The following TRPS1 variants were observed in gnomAD, a reference collection of about 807,000 sequenced individuals.
TRPS1 encodes transcriptional repressor GATA binding 1.
A neutral mutation model predicts 101.2 loss-of-function variants in TRPS1; 6 were observed. That is an observed-to-expected ratio of 0.06 (90% CI 0.03 to 0.12). TRPS1 has a LOEUF of 0.12. TRPS1 is among the 10% of genes least tolerant of loss of function. TRPS1 has a pLI of 1.00. For synonymous variants in TRPS1, 578 were observed against 589.8 expected (o/e 0.98, Z 0.29); for missense variants, 1,363 against 1,567.0 (o/e 0.87, Z 2.20).
At chr8:115,507,741 G>C (rs1815482477) in intron 5 of TRPS1, among the ~76,000 whole-genome samples, 1 of 151,928 alleles carries the variant, frequency 6.6e-6, no homozygotes, top group Admixed American at 6.6e-5. Context: ...TTTTCTTTTG[G>C]GACCTCAACC....
intron 1 of TRPS1, among the ~76,000 whole-genome samples, chr8:115,645,640 GAGGAAATCCCTGGGTATCAAAA>G (rs1283510186): frequency 6.6e-6 from 1 of 152,106 alleles, no homozygotes; most frequent in Non-Finnish European, 1.5e-5. Context: ...GTTACTACAA[GAGGAAATCCCTGGGTATCAAAA>G]AGTCATATTT....
intron 1 of TRPS1, among the ~76,000 whole-genome samples, chr8:115,659,007 G>A (rs1218390335): frequency 1.3e-5 from 2 of 152,108 alleles, no homozygotes; most frequent in African/African-American, 4.8e-5. Flanking sequence ...TCCTTCAAAA[G>A]CACAAGTTTT....
intron 3 of TRPS1, among the ~76,000 whole-genome samples, chr8:115,612,759 C>CG (rs1818198895): frequency 6.6e-6 from 1 of 152,130 alleles, no homozygotes; most frequent in Non-Finnish European, 1.5e-5. Context: ...CTGTGAATTC[C>CG]CAAACTCCTC....
intron 3 of TRPS1, 104 bp downstream of exon 3, chr8:115,619,028 G>A: frequency 2.4e-6 from 3 of 1,231,572 alleles, no homozygotes; most frequent in Non-Finnish European, 3.5e-6. Context: ...GATCTAGCAG[G>A]CTACCTGTCT....
rs561162451 is a variant in TRPS1, at chr8:115,412,237, T to C, written c.*1786A>G. On this transcript the variant is annotated 3_prime_UTR_variant, in exon 7 of 7. Coordinates refer to ENST00000395715, the MANE Select transcript of TRPS1 (RefSeq NM_014112.5). ...CTACCCTTTTTTTCCTAAGTAGGCA[T>C]AAAAATATTTTCATTTCCTTCTTGT... is the stretch of plus-strand genomic sequence containing the variant. 6.6e-6 allele frequency: 1 copy of C among 152,392 alleles called. No individual in the cohort carries two copies. The highest frequency in any genetic ancestry group is 2.1e-4 in the South Asian group (1 of 4,822). The allele number at this position is 152,392 out of a possible 1,614,324, so 9.4% of individuals were successfully genotyped here.
intron 1 of TRPS1, among the ~76,000 whole-genome samples, chr8:115,631,821 G>A (rs956746266): frequency 1.1e-4 from 17 of 151,930 alleles, no homozygotes; most frequent in Non-Finnish European, 1.8e-4. Context: ...ACCAAATCAC[G>A]ACATCCAAGG....
intron 5 of TRPS1, among the ~76,000 whole-genome samples, chr8:115,421,666 G>T (rs1463952212): frequency 6.6e-6 from 1 of 152,130 alleles, no homozygotes; most frequent in Non-Finnish European, 1.5e-5. Context: ...TAGTACTTTG[G>T]TAAGCCTAGT....
chr8:115,598,525 G>C (rs1223349022), intron 4 of TRPS1, among the ~76,000 whole-genome samples: 1 of 152,040 alleles, frequency 6.6e-6, no homozygotes, highest in African/African-American at 2.4e-5. Context: ...TGCTGCCCAG[G>C]CTGATCTCAA....
intron 5 of TRPS1, among the ~76,000 whole-genome samples, chr8:115,462,353 G>C (rs1327303290): frequency 6.6e-6 from 1 of 152,168 alleles, no homozygotes; most frequent in Non-Finnish European, 1.5e-5. Flanking sequence ...GCGAAGGGCA[G>C]TCTAATGCAG....
rs1476143698 is a variant in TRPS1, at chr8:115,418,520, C to A, written c.2701-68G>T. ...GATCAGTGGAGTTAGACCAAATCAA[C>A]CCAGGAGTTTTGTCTTTAAACTAGC... On this transcript the variant is annotated intron_variant, in intron 5 of 6. Coordinates refer to ENST00000395715, the MANE Select transcript of TRPS1 (RefSeq NM_014112.5). This position sits in a 1 kb window ranked among gnomAD's most constrained non-coding sequence, Gnocchi z 4.3. 2 of 1,610,164 alleles carry A rather than the reference C, an allele frequency of 1.2e-6. No homozygotes were observed. Among genetic ancestry groups the A allele is most frequent in the South Asian group, 2.2e-5 (2 of 90,828 alleles).
At chr8:115,468,599 C>T (rs1814384531) in intron 5 of TRPS1, among the ~76,000 whole-genome samples, 2 of 152,070 alleles carry the variant, frequency 1.3e-5, no homozygotes. Context: ...CAAATGTAAA[C>T]GACTTTGAAA....
chr8:115,462,507 T>C (rs934661894), intron 5 of TRPS1, among the ~76,000 whole-genome samples: 2 of 152,106 alleles, frequency 1.3e-5, no homozygotes, highest in Non-Finnish European at 2.9e-5. Flanking sequence ...AATTCATGAA[T>C]GTAAGATGCT....
At chr8:115,423,278 T>C (rs1813112395) in intron 5 of TRPS1, among the ~76,000 whole-genome samples, 2 of 152,360 alleles carry the variant, frequency 1.3e-5, no homozygotes, top group African/African-American at 4.8e-5. Context: ...CTCCAGGCCA[T>C]TTCCGTTGGC....
In TRPS1 at chr8:115,592,950, G is replaced by T. The variant is rs370597746; in HGVS notation, c.2097-5346C>A. On this transcript the variant is annotated intron_variant, in intron 4 of 6. Coordinates refer to ENST00000395715, the MANE Select transcript of TRPS1 (RefSeq NM_014112.5). ...CTTGGAGTGTACTCTTAATATACCT[G>T]TATATATTCAGCACTTTTAGAACAT... Among the ~76,000 whole-genome samples the T allele has an allele frequency of 2.0e-5, 3 of 151,900 alleles. No individual in the cohort carries two copies. The East Asian group carries it at 5.8e-4, about 29-fold the overall frequency.
chr8:115,590,095 C>T (rs1817648068), intron 4 of TRPS1, among the ~76,000 whole-genome samples: 2 of 151,958 alleles, frequency 1.3e-5, no homozygotes, highest in Non-Finnish European at 2.9e-5. Context: ...CCAACCTGGG[C>T]GACAGAGCGA....
chr8:115,574,425 A>G (rs1217529812), intron 5 of TRPS1, among the ~76,000 whole-genome samples: 1 of 152,192 alleles, frequency 6.6e-6, no homozygotes, highest in African/African-American at 2.4e-5. Context: ...AAATTTCATG[A>G]ACTACCAAAT....
At chr8:115,484,913 T>C (rs2130078225) in intron 5 of TRPS1, among the ~76,000 whole-genome samples, 1 of 152,292 alleles carries the variant, frequency 6.6e-6, no homozygotes, top group Middle Eastern at 3.4e-3. Context: ...TTTTTGCAGT[T>C]ATGGATACTG....
chr8:115,656,930 A>T (rs1001660992), intron 1 of TRPS1, among the ~76,000 whole-genome samples: 5 of 152,188 alleles, frequency 3.3e-5, no homozygotes, highest in Non-Finnish European at 7.4e-5. Context: ...AAAAAAACTA[A>T]ACTAAATATT....
intron 1 of TRPS1, among the ~76,000 whole-genome samples, chr8:115,636,363 G>A (rs1818767165): frequency 6.6e-6 from 1 of 152,052 alleles, no homozygotes. Context: ...AACCCCAAAT[G>A]TCATACATAC....
Sources: allele counts gnomAD v4.1 joint callset (sites outside exome capture counted in the v4.1 genomes callset), GRCh38; gene constraint gnomAD v4.1.1; non-coding constraint Gnocchi (gnomAD v3.1); transcripts MANE v1.5; gene names NCBI Gene and HGNC (gene_info 2026-07-23, HGNC 2026-07-21).